ATP8B1: variants seen among roughly 807,000 people sequenced by gnomAD.
ATP8B1 encodes ATPase phospholipid transporting 8B1.
In ATP8B1, 80 loss-of-function variants were observed where a neutral mutation model predicts 149.9. That is an observed-to-expected ratio of 0.53 (90% CI 0.45 to 0.64). The LOEUF (loss-of-function observed/expected upper bound fraction) is 0.64, where lower values mean the gene tolerates loss of function less well. ATP8B1 is among the 30% of genes least tolerant of loss of function. The probability of loss-of-function intolerance (pLI) is 0.00; values close to 1 mark genes in which losing one functional copy is unlikely to be tolerated. For synonymous variants in ATP8B1, 536 were observed against 562.8 expected, an observed-to-expected ratio of 0.95 and a Z score of 0.67; for missense variants, 1,247 against 1,552.6, an observed-to-expected ratio of 0.80 and a Z score of 3.31.
At chr18:57,693,610 A>T (rs1912654191) in intron 11 of ATP8B1, among the ~76,000 whole-genome samples, 1 of 152,150 alleles carries the variant, frequency 6.6e-6, no homozygotes, top group African/African-American at 2.4e-5. Context: ...TGGGAGGCTG[A>T]GGCAGGAGAA....
At chr18:57,711,730 A>G (rs1913696684) in intron 2 of ATP8B1, among the ~76,000 whole-genome samples, 1 of 152,096 alleles carries the variant, frequency 6.6e-6, no homozygotes, top group African/African-American at 2.4e-5. Context: ...AGTAGCTGAG[A>G]CTAAAGTGCA....
intron 14 of ATP8B1, 117 bp downstream of exon 14, chr18:57,684,955 C>A: frequency 7.6e-7 from 1 of 1,312,614 alleles, no homozygotes; most frequent in Non-Finnish European, 1.1e-6. Flanking sequence ...GGGCAACCAC[C>A]AGGAGCAGGG....
At chr18:57,656,453 T>G (rs980739300) in intron 22 of ATP8B1, among the ~76,000 whole-genome samples, 1 of 151,514 alleles carries the variant, frequency 6.6e-6, no homozygotes, top group Non-Finnish European at 1.5e-5. Context: ...TGGCGCAGTC[T>G]TGGCTCACTG....
intron 1 of ATP8B1, among the ~76,000 whole-genome samples, chr18:57,789,777 A>T (rs1192986683): frequency 6.6e-6 from 1 of 152,176 alleles, no homozygotes; most frequent in Non-Finnish European, 1.5e-5. Context: ...TTTTGCTCAC[A>T]TGTACATACT....
At chr18:57,735,152 T>G (rs970916777) in intron 1 of ATP8B1, 1 of 153,750 alleles carries the variant, frequency 6.5e-6, no homozygotes, top group Non-Finnish European at 1.5e-5. Flanking sequence ...ATCTTGCAGC[T>G]GCACCCTTCT....
At chr18:57,650,604 A>G in intron 26 of ATP8B1, 107 bp from the exon 27 acceptor site, 1 of 1,405,040 alleles carries the variant, frequency 7.1e-7, no homozygotes, top group Non-Finnish European at 9.8e-7. Flanking sequence ...ACACTTTGAG[A>G]GGCCAAGGTG....
Position 57,648,351 on chromosome 18 carries a change from A to AGTTT in ATP8B1, c.*133_*136dup. 9.8e-7 allele frequency: 1 copy of AGTTT among 1,025,022 alleles called. No individual in the cohort carries two copies. The highest frequency in any genetic ancestry group is 1.5e-6 in the Non-Finnish European group (1 of 676,006). The allele number at this position is 1,025,022 out of a possible 1,614,324, so 63.5% of individuals were successfully genotyped here. ...TATTGTTTAATAGTCCAACCCAAGG[A>AGTTT]GTTTGTTATAAAGATTATTTATTGT... On this transcript the variant is annotated 3_prime_UTR_variant, in exon 28 of 28. Coordinates refer to ENST00000648908, the MANE Select transcript of ATP8B1 (RefSeq NM_001374385.1).
At chr18:57,659,981 A>G (rs1910288929) in intron 22 of ATP8B1, among the ~76,000 whole-genome samples, 1 of 152,224 alleles carries the variant, frequency 6.6e-6, no homozygotes, top group Admixed American at 6.5e-5. Flanking sequence ...TGGAGGTGAC[A>G]TTAGGGATTA....
chr18:57,655,860 A>G (rs896891344), intron 22 of ATP8B1, among the ~76,000 whole-genome samples: 1 of 152,156 alleles, frequency 6.6e-6, no homozygotes, highest in Non-Finnish European at 1.5e-5. Flanking sequence ...TTCTAATTAG[A>G]GAGGTGGGAA....
At chr18:57,741,661 A>C (rs1599180904) in intron 1 of ATP8B1, among the ~76,000 whole-genome samples, 1 of 152,312 alleles carries the variant, frequency 6.6e-6, no homozygotes, top group East Asian at 1.9e-4. Context: ...TAAGCTGTTA[A>C]GTTTTGGAGT....
chr18:57,728,615 T>A (rs1472583837), intron 2 of ATP8B1, among the ~76,000 whole-genome samples: 1 of 151,868 alleles, frequency 6.6e-6, no homozygotes, highest in Non-Finnish European at 1.5e-5. Context: ...TTGTAAAAAG[T>A]CACAGGCAAA....
intron 27 of ATP8B1, among the ~76,000 whole-genome samples, chr18:57,649,032 G>A (rs1020219107): frequency 6.6e-6 from 1 of 152,002 alleles, no homozygotes; most frequent in Admixed American, 6.6e-5. Context: ...TGAGTAACTG[G>A]GGTTACAGGC....
intron 12 of ATP8B1, among the ~76,000 whole-genome samples, chr18:57,691,383 G>A (rs543064476): frequency 9.2e-5 from 14 of 152,140 alleles, no homozygotes; most frequent in African/African-American, 3.4e-4. Context: ...CTCCACCTTG[G>A]GTGTGGCAGA....
intron 18 of ATP8B1, 58 bp from the exon 19 acceptor site, chr18:57,668,598 C>CT (rs1475333195): frequency 8.8e-7 from 1 of 1,137,576 alleles, no homozygotes; most frequent in Non-Finnish European, 1.2e-6. Context: ...CAAAAGTTTT[C>CT]TGTAATTACA....
At chr18:57,650,668 C>A (rs1909552639) in intron 26 of ATP8B1, among the ~76,000 whole-genome samples, 171 bp from the exon 27 acceptor site, 1 of 151,990 alleles carries the variant, frequency 6.6e-6, no homozygotes, top group South Asian at 2.1e-4. Context: ...CATGGTGAAA[C>A]CCCGTCTCTA....
At chr18:57,717,239 CT>C (rs1190204497) in intron 2 of ATP8B1, among the ~76,000 whole-genome samples, 3 of 152,008 alleles carry the variant, frequency 2.0e-5, no homozygotes, top group African/African-American at 7.2e-5. Flanking sequence ...TTCAAACAAC[CT>C]GATGATGCAT....
chr18:57,766,838 C>T (rs2080215227), intron 1 of ATP8B1, among the ~76,000 whole-genome samples: 1 of 152,098 alleles, frequency 6.6e-6, no homozygotes, highest in Non-Finnish European at 1.5e-5. Context: ...ATCCACCTGT[C>T]CTAGGAGAGG....
chr18:57,738,060 G>A (rs1406354593), intron 1 of ATP8B1: 1 of 152,156 alleles, frequency 6.6e-6, no homozygotes, highest in Non-Finnish European at 1.5e-5. Flanking sequence ...AAAAAAAACA[G>A]GGAGAAATCA....
chr18:57,778,223 TTTTTC>T (rs975849182), intron 1 of ATP8B1, among the ~76,000 whole-genome samples: 5 of 88,712 alleles, frequency 5.6e-5, no homozygotes, highest in African/African-American at 2.7e-4. Context: ...TTTCTTTTTC[TTTTTC>T]TTTTTTTTTT....
Sources: gnomAD v4.1 joint callset for allele counts (sites outside exome capture counted in the v4.1 genomes callset) on GRCh38, gnomAD v4.1.1 for gene constraint, MANE v1.5 for transcripts, NCBI Gene and HGNC (gene_info 2026-07-23, HGNC 2026-07-21) for gene names.